Variants in RSPH4A observed in about 807,000 individuals in gnomAD.
RSPH4A encodes radial spoke head protein 4 homolog A.
In RSPH4A, 47 loss-of-function variants were observed where a neutral mutation model predicts 71.0. The observed-to-expected ratio is 0.66, with a 90% CI of 0.52 to 0.84. The LOEUF (loss-of-function observed/expected upper bound fraction) is 0.84. Ranked by LOEUF, RSPH4A falls within the 40% of genes least tolerant of loss-of-function variation. RSPH4A has a pLI of 0.00. For missense variants in RSPH4A, 793 were observed against 855.2 expected, an observed-to-expected ratio of 0.93 and a Z score of 0.91; for synonymous variants, 282 against 302.3, an observed-to-expected ratio of 0.93 and a Z score of 0.70.
rs6925922 is a variant in RSPH4A, at chr6:116,632,906, T to C, written c.*465T>C. ...TCAAGGGGTATGAAGACAAAAAATA[T>C]TGATAGTCACTAGAGTAATGTATTC... On this transcript the variant is annotated 3_prime_UTR_variant, in exon 6 of 6. Transcript: ENST00000229554. The C allele has an allele frequency of 0.19, 34,430 of 184,144 alleles. 3,507 individuals are homozygous for C. The highest frequency in any genetic ancestry group is 0.29 in the East Asian group (2,107 of 7,234). 11.4% of individuals were successfully genotyped at this position (184,144 alleles called of 1,614,324 possible). A position where few individuals can be genotyped will look rare whatever the true frequency, so the allele number is the denominator to read the frequency against.
chr6:116,632,115 G>A (rs1238562972), intron 5 of RSPH4A, 92 bp from the exon 6 acceptor site: 2 of 874,434 alleles, frequency 2.3e-6, no homozygotes, highest in Non-Finnish European at 3.7e-6. Context: ...ATAGGACCAT[G>A]ATATTCTAAG....
Position 116,627,900 on chromosome 6 carries a change from C to T in RSPH4A, c.1193C>T (p.Ala398Val), listed in dbSNP as rs576716296. ...AEERDNGESE[A>V]HEDEEDELPK... ...GAGAGGGACAATGGAGAAAGTGAAG[C>T]TCATGAAGATGAGGAAGATGAATTA... The change falls in exon 3 of 6, where the codon GCT becomes GTT. Residue 398 changes from alanine (A) to valine (V), a missense_variant. By Grantham distance (64) the Ala-to-Val change is moderately conservative (BLOSUM62 0). Transcript: ENST00000229554. 16 of 1,613,498 alleles carry T rather than the reference C, an allele frequency of 9.9e-6. No individual in the cohort carries two copies. The Admixed American group carries it at 2.7e-4, about 27-fold the overall frequency.
chr6:116,627,581 A>T, intron 2 of RSPH4A, 48 bp from the exon 3 acceptor site: 2 of 1,336,882 alleles, frequency 1.5e-6, no homozygotes, highest in Non-Finnish European at 2.2e-6. Flanking sequence ...AAGGGAAGCA[A>T]GCATTTGTCT....
chr6:116,631,596 G>C lies in RSPH4A; in HGVS notation c.1917-611G>C, dbSNP rs73765821. Among the ~76,000 whole-genome samples the C allele has an allele frequency of 6.3e-3, 955 of 152,306 alleles. 11 individuals are homozygous for C. The highest frequency in any genetic ancestry group is 0.022 in the African/African-American group (932 of 41,564). On this transcript the variant is annotated intron_variant, in intron 5 of 5. Coordinates refer to ENST00000229554, the MANE Select transcript of RSPH4A (RefSeq NM_001010892.3). ...AGCAGAGAAAGGAGGGGCTGGAAAG[G>C]CCTCTGCTGAAGGCCTCAGATAAAG...
intron 1 of RSPH4A, among the ~76,000 whole-genome samples, chr6:116,617,540 G>C (rs1230388882): frequency 6.9e-6 from 1 of 145,228 alleles, no homozygotes; most frequent in Non-Finnish European, 1.5e-5. Context: ...TTTTCCTCCA[G>C]CTTCTTTAAA....
chr6:116,627,874 AG>A lies in RSPH4A; in HGVS notation c.1168del (p.Glu390ArgfsTer53). The stretch of plus-strand genomic sequence containing the variant: ...AAGTGGAAGAGGAAGATGTAGCTGA[AG>A]AGAGGGACAATGGAGAAAGTGAAGC... ...EEVEEEDVAE[E>X]RDNGESEAHE... On this transcript the variant is annotated frameshift_variant, in exon 3 of 6. Coordinates refer to ENST00000229554, the MANE Select transcript of RSPH4A (RefSeq NM_001010892.3). LOFTEE classifies it high-confidence loss of function. 1 of 1,613,776 alleles carries A rather than the reference AG, an allele frequency of 6.2e-7. No homozygotes were observed. Among genetic ancestry groups the A allele is most frequent in the South Asian group, 1.1e-5 (1 of 91,076 alleles).
In RSPH4A at chr6:116,623,097, C is replaced by CTTGTTTTGTTTTGTT. The variant is rs3033963; in HGVS notation, c.921+112_921+126dup. On this transcript the variant is annotated intron_variant, in intron 2 of 5. Coordinates refer to ENST00000229554, the MANE Select transcript of RSPH4A (RefSeq NM_001010892.3). ...AATTCATACCAACTGTATTTTATAGCTTGTTTTGTTTTGTTTTGTTTTGTT... is the reference window on the plus strand; with the variant it reads ...AATTCATACCAACTGTATTTTATAGCTTGTTTTGTTTTGTTTTGTTTTGTTTTGTTTTGTTTTGTT... 0.017 allele frequency: 13,131 copies of CTTGTTTTGTTTTGTT among 762,694 alleles called. 612 individuals carry two copies. Among genetic ancestry groups the CTTGTTTTGTTTTGTT allele is most frequent in the Admixed American group, 0.12 (5,340 of 43,938 alleles). The allele number at this position is 762,694 out of a possible 1,614,324, so 47.2% of individuals were successfully genotyped here.
At chr6:116,631,023 ATG>A (rs767246300) in intron 5 of RSPH4A, among the ~76,000 whole-genome samples, 1 of 151,568 alleles carries the variant, frequency 6.6e-6, no homozygotes, top group Non-Finnish European at 1.5e-5. Context: ...TTGGCATATT[ATG>A]TGTGTGTGGC....
intron 2 of RSPH4A, among the ~76,000 whole-genome samples, chr6:116,624,091 A>T (rs904645504): frequency 6.6e-6 from 1 of 152,194 alleles, no homozygotes; most frequent in Non-Finnish European, 1.5e-5. Context: ...TTCAAATTTG[A>T]TGTTTGGAAT....
At chr6:116,623,059 G>A (rs1292092466) in intron 2 of RSPH4A, 57 bp downstream of exon 2, 2 of 1,066,430 alleles carry the variant, frequency 1.9e-6, no homozygotes, top group Non-Finnish European at 2.9e-6. Flanking sequence ...TGGGACGAAT[G>A]GCTGTGGCTT....
intron 1 of RSPH4A, among the ~76,000 whole-genome samples, chr6:116,619,891 T>C (rs1450142524): frequency 1.3e-5 from 2 of 152,134 alleles, no homozygotes; most frequent in Admixed American, 1.3e-4. Context: ...GCTAATTTTT[T>C]TGTATTTTTG....
intron 1 of RSPH4A, among the ~76,000 whole-genome samples, chr6:116,618,386 C>T (rs1314295043): frequency 6.6e-6 from 1 of 152,200 alleles, no homozygotes; most frequent in African/African-American, 2.4e-5. Flanking sequence ...AGAGCAAGGA[C>T]TCTGAATTTT....
At chr6:116,622,713 C>A in intron 1 of RSPH4A, 55 bp from the exon 2 acceptor site, 1 of 1,172,376 alleles carries the variant, frequency 8.5e-7, no homozygotes, top group Non-Finnish European at 1.3e-6. Flanking sequence ...AAGAAAAATG[C>A]TTCTTCAAAT....
intron 5 of RSPH4A, among the ~76,000 whole-genome samples, chr6:116,631,515 C>A (rs549010267): frequency 6.6e-6 from 1 of 152,226 alleles, no homozygotes; most frequent in Admixed American, 6.5e-5. Context: ...TTTTACAGAC[C>A]TGGAGACCAA....
At chr6:116,621,601 G>A (rs1480078357) in intron 1 of RSPH4A, among the ~76,000 whole-genome samples, 1 of 152,154 alleles carries the variant, frequency 6.6e-6, no homozygotes, top group African/African-American at 2.4e-5. Context: ...CCTCTGAACT[G>A]GGGAAGGATG....
chr6:116,630,218 A>C (rs1217556325), intron 4 of RSPH4A, among the ~76,000 whole-genome samples: 3 of 152,156 alleles, frequency 2.0e-5, no homozygotes, highest in East Asian at 3.8e-4. Flanking sequence ...TGTTTGCAAA[A>C]ATGGAGATGT....
At chr6:116,617,444 C>A in intron 1 of RSPH4A, 135 bp downstream of exon 1, 2 of 660,658 alleles carry the variant, frequency 3.0e-6, no homozygotes, top group Non-Finnish European at 5.1e-6. Flanking sequence ...GAGTTAATGA[C>A]ATAACTCTGG....
At chr6:116,630,086 T>C (rs1237447650) in intron 4 of RSPH4A, among the ~76,000 whole-genome samples, 3 of 152,236 alleles carry the variant, frequency 2.0e-5, no homozygotes, top group Non-Finnish European at 4.4e-5. Flanking sequence ...CCTTCAGTTT[T>C]GGAGTATTTG....
intron 2 of RSPH4A, among the ~76,000 whole-genome samples, chr6:116,624,335 A>G (rs1193832283): frequency 6.6e-6 from 1 of 152,206 alleles, no homozygotes; most frequent in Non-Finnish European, 1.5e-5. Flanking sequence ...CAAACAGCAT[A>G]TGGAGATGAG....
Sources: allele counts gnomAD v4.1 joint callset (sites outside exome capture counted in the v4.1 genomes callset), GRCh38; gene constraint gnomAD v4.1.1; transcripts MANE v1.5; gene names NCBI Gene and HGNC (gene_info 2026-07-23, HGNC 2026-07-21).